The following DCP2 variants were observed in gnomAD, a reference collection of about 807,000 sequenced individuals.
DCP2 encodes the protein decapping mRNA 2, also known as m7GpppN-mRNA hydrolase.
Under a neutral mutation model 56.1 loss-of-function variants are expected in DCP2, and 30 were observed. The observed-to-expected ratio is 0.53, with a 90% confidence interval of 0.40 to 0.73. The LOEUF is 0.73. Ranked by LOEUF, DCP2 falls within the 30% of genes least tolerant of loss-of-function variation. The pLI is 0.00. For synonymous variants in DCP2, 197 were observed against 163.3 expected, an observed-to-expected ratio of 1.21 and a Z score of -1.57; for missense variants, 533 against 502.7, an observed-to-expected ratio of 1.06 and a Z score of -0.58.
chr5:113,008,726 C>T (rs971690583), intron 9 of DCP2, among the ~76,000 whole-genome samples: 2 of 152,072 alleles, frequency 1.3e-5, no homozygotes, highest in Non-Finnish European at 2.9e-5. Flanking sequence ...ACTACTTTAC[C>T]TTTATTATTT....
chr5:112,990,141 G>T (rs1010248932), intron 2 of DCP2, among the ~76,000 whole-genome samples: 1 of 152,146 alleles, frequency 6.6e-6, no homozygotes, highest in Non-Finnish European at 1.5e-5. Context: ...GAATTGATGG[G>T]TTCTGTTATG....
At chr5:112,990,389 A>G (rs539895158) in intron 2 of DCP2, among the ~76,000 whole-genome samples, 1 of 152,282 alleles carries the variant, frequency 6.6e-6, no homozygotes, top group Admixed American at 6.5e-5. Flanking sequence ...GTGGATACAG[A>G]CAAGAGTATC....
At chr5:112,991,122 G>A (rs1428865454) in intron 2 of DCP2, among the ~76,000 whole-genome samples, 1 of 151,888 alleles carries the variant, frequency 6.6e-6, no homozygotes, top group East Asian at 1.9e-4. Flanking sequence ...TACCAATATG[G>A]TCTCTGAAAT....
At position 113,018,610 on chromosome 5, in the gene DCP2, AAT is replaced by A. The variant is rs1206024513; in HGVS notation, c.*5129_*5130del. On this transcript the variant is annotated 3_prime_UTR_variant, in exon 11 of 11. Transcript: ENST00000389063. ...AGTCCAGTAGAAGACAATGGCCCTG[AAT>A]ATGTGTTTTCTGCTTTTTGGTGGAA... The A allele has an allele frequency of 5.3e-5, 8 of 152,270 alleles. No homozygotes were observed. Among genetic ancestry groups the A allele is most frequent in the African/African-American group, 1.7e-4 (7 of 41,526 alleles). The allele number at this position is 152,270 out of a possible 1,614,324, so 9.4% of individuals were successfully genotyped here. A position where few individuals can be genotyped will look rare whatever the true frequency, so the allele number is the denominator to read the frequency against.
Position 113,010,819 on chromosome 5 carries a change from C to G in DCP2, c.1099+12C>G, listed in dbSNP as rs750887122. On this transcript the variant is annotated intron_variant, in intron 10 of 10. Transcript: ENST00000389063. ...TAATTTTGAAACAGGCAAGTCATTT[C>G]CTATCTTTTTATAATCTCTGCCTTG... is the stretch of plus-strand genomic sequence containing the variant. 6.3e-7 allele frequency: 1 copy of G among 1,594,532 alleles called. No individual in the cohort carries two copies. The highest frequency in any genetic ancestry group is 8.5e-7 in the Non-Finnish European group (1 of 1,174,284).
chr5:112,978,267 G>C (rs1315663904), intron 1 of DCP2, among the ~76,000 whole-genome samples: 1 of 152,156 alleles, frequency 6.6e-6, no homozygotes, highest in Non-Finnish European at 1.5e-5. Context: ...GAGCCATCGC[G>C]CCCGGCCTGG....
At position 113,018,644 on chromosome 5, in the gene DCP2, C is replaced by T. The variant is rs1749988269; in HGVS notation, c.*5160C>T. On this transcript the variant is annotated 3_prime_UTR_variant, in exon 11 of 11. Transcript: ENST00000389063. ...TTTCTGCTTTTTGGTGGAAGGTTTC[C>T]TGCAGGTGGTTGGGTGGTTTTTGGG... is the stretch of plus-strand genomic sequence containing the variant. The T allele has an allele frequency of 6.6e-6, 1 of 152,178 alleles. No homozygotes were observed. The highest frequency in any genetic ancestry group is 2.4e-5 in the African/African-American group (1 of 41,406). 9.4% of individuals were successfully genotyped at this position (152,178 alleles called of 1,614,324 possible). A position where few individuals can be genotyped will look rare whatever the true frequency, so the allele number is the denominator to read the frequency against.
At chr5:113,009,047 A>G (rs1442296579) in intron 9 of DCP2, among the ~76,000 whole-genome samples, 2 of 151,986 alleles carry the variant, frequency 1.3e-5, no homozygotes, top group African/African-American at 2.4e-5. Context: ...GGGTTTCACC[A>G]TGTTGGCCAG....
chr5:113,017,668 A>C lies in DCP2; in HGVS notation c.*4184A>C, dbSNP rs1197820241. ...ATGATAGATTATTGTTATAGAATCA[A>C]AGTGTCCTGAAGGGAGAAGAATAGC... On this transcript the variant is annotated 3_prime_UTR_variant, in exon 11 of 11. Transcript: ENST00000389063. The C allele has an allele frequency of 6.6e-6, 1 of 152,216 alleles. No individual in the cohort carries two copies. Among genetic ancestry groups the C allele is most frequent in the East Asian group, 1.9e-4 (1 of 5,202 alleles). 9.4% of individuals were successfully genotyped at this position (152,216 alleles called of 1,614,324 possible).
intron 6 of DCP2, 49 bp downstream of exon 6, chr5:113,001,518 C>A (rs753719085): frequency 6.2e-7 from 1 of 1,607,174 alleles, no homozygotes. Context: ...GGATAGTCAT[C>A]TTCTGTCTGT....
At chr5:112,978,048 G>A (rs1309409201) in intron 1 of DCP2, among the ~76,000 whole-genome samples, 7 of 151,972 alleles carry the variant, frequency 4.6e-5, no homozygotes, top group Admixed American at 2.0e-4. Flanking sequence ...TGCGGTCTTG[G>A]CTCACTGCAA....
At chr5:113,003,318 A>G (rs1000763527) in intron 7 of DCP2, among the ~76,000 whole-genome samples, 3 of 152,182 alleles carry the variant, frequency 2.0e-5, no homozygotes, top group Admixed American at 6.5e-5. Flanking sequence ...TAATTTGCTC[A>G]TTCATTATCT....
rs1436502850 is a variant in DCP2, at chr5:112,984,697, A to ATAT, written c.54-1138_54-1137insTAT. 106 of 76,168 alleles carry ATAT rather than the reference A, an allele frequency of 1.4e-3. 1 individual carries two copies. Among genetic ancestry groups the ATAT allele is most frequent in the South Asian group, 8.9e-3 (25 of 2,800 alleles). The allele number at this position is 76,168 out of a possible 1,614,324, so 4.7% of individuals were successfully genotyped here. A position where few individuals can be genotyped will look rare whatever the true frequency, so the allele number is the denominator to read the frequency against. On this transcript the variant is annotated intron_variant, in intron 1 of 10. Coordinates refer to ENST00000389063, the MANE Select transcript of DCP2 (RefSeq NM_152624.6). ...TTTTATTTCTTAATTAAAAAAAAAA[A>ATAT]AAAAAAATATATATATATATATATA... is the stretch of plus-strand genomic sequence containing the variant.
chr5:112,993,008 C>T (rs1440287026), intron 4 of DCP2, among the ~76,000 whole-genome samples: 1 of 150,768 alleles, frequency 6.6e-6, no homozygotes, highest in Admixed American at 6.6e-5. Context: ...ATCTCTTGTT[C>T]CTTTCTTTGA....
chr5:113,006,731 T>C (rs941552300), intron 8 of DCP2, among the ~76,000 whole-genome samples: 11 of 152,250 alleles, frequency 7.2e-5, no homozygotes, highest in African/African-American at 2.4e-4. Flanking sequence ...ATGTTCGTTT[T>C]AATTTAAACT....
chr5:113,007,347 A>T (rs564838895), intron 8 of DCP2, among the ~76,000 whole-genome samples: 1 of 151,830 alleles, frequency 6.6e-6, no homozygotes, highest in South Asian at 2.1e-4. Flanking sequence ...CTATAAGCAG[A>T]CATGGGATAA....
At chr5:113,009,851 G>T (rs1411932735) in intron 9 of DCP2, among the ~76,000 whole-genome samples, 3 of 151,696 alleles carry the variant, frequency 2.0e-5, no homozygotes, top group African/African-American at 7.3e-5. Context: ...ATCTTCATAG[G>T]AAATCAGCTA....
Position 112,988,348 on chromosome 5 carries a change from T to C in DCP2, c.205+2362T>C, listed in dbSNP as rs527933110. 3.7e-3 allele frequency among the ~76,000 whole-genome samples: 560 copies of C among 149,550 alleles called. 1 individual carries two copies. Among genetic ancestry groups the C allele is most frequent in the African/African-American group, 6.2e-3 (254 of 40,828 alleles). On this transcript the variant is annotated intron_variant, in intron 2 of 10. Coordinates refer to ENST00000389063, the MANE Select transcript of DCP2 (RefSeq NM_152624.6). The stretch of plus-strand genomic sequence containing the variant: ...AAAAAAAAAAATACAAAAAATTAGC[T>C]GGGCGTGGTGGCGGGCGCTTGTAGT...
rs1247256093 is a variant in DCP2, at chr5:113,019,295, AG to A, written c.*5812del. ...AAATTTAGAAAGATAATTCTTCAGCAGTTGGTTGATTAGATGGGTTAGTGCT... is the reference window on the plus strand; with the variant it reads ...AAATTTAGAAAGATAATTCTTCAGCATTGGTTGATTAGATGGGTTAGTGCT... On this transcript the variant is annotated 3_prime_UTR_variant, in exon 11 of 11. Transcript: ENST00000389063. The A allele has an allele frequency of 6.6e-6, 1 of 152,206 alleles. No individual in the cohort carries two copies. The highest frequency in any genetic ancestry group is 1.5e-5 in the Non-Finnish European group (1 of 68,046). The allele number at this position is 152,206 out of a possible 1,614,324, so 9.4% of individuals were successfully genotyped here.
Sources: allele counts gnomAD v4.1 joint callset (sites outside exome capture counted in the v4.1 genomes callset), GRCh38; gene constraint gnomAD v4.1.1; transcripts MANE v1.5; gene names NCBI Gene and HGNC (gene_info 2026-07-23, HGNC 2026-07-21).